NT5E: variants seen among roughly 807,000 people sequenced by gnomAD.
The protein encoded by NT5E is 5'-nucleotidase.
A neutral mutation model predicts 55.1 loss-of-function variants in NT5E; 53 were observed. The ratio of observed to expected loss-of-function variants is 0.96; its 90% CI spans 0.77 to 1.21. The LOEUF (loss-of-function observed/expected upper bound fraction) is 1.21. Ranked by LOEUF, NT5E falls within the 50% of genes most tolerant of loss-of-function variation. The pLI, the probability that NT5E is intolerant of heterozygous loss-of-function variation, is 0.00. For missense variants in NT5E, 683 were observed against 724.3 expected, an observed-to-expected ratio of 0.94 and a Z score of 0.65; for synonymous variants, 270 against 278.4, an observed-to-expected ratio of 0.97 and a Z score of 0.30.
chr6:85,460,772 T>G lies in NT5E; in HGVS notation c.340-6288T>G, dbSNP rs78463840. Among the ~76,000 whole-genome samples, 500 of 152,220 alleles carry G rather than the reference T, an allele frequency of 3.3e-3. 2 individuals are homozygous for G. Among genetic ancestry groups the G allele is most frequent in the African/African-American group, 0.011 (470 of 41,536 alleles). ...ATGAAAGAAATCATGAGAACACTCCTGGGGTGAGAGCAAGAGGAATGAAAA... is the reference window on the plus strand; with the variant it reads ...ATGAAAGAAATCATGAGAACACTCCGGGGGTGAGAGCAAGAGGAATGAAAA... On this transcript the variant is annotated intron_variant, in intron 1 of 8. Coordinates refer to ENST00000257770, the MANE Select transcript of NT5E (RefSeq NM_002526.4).
At chr6:85,452,157 G>A (rs1330239184) in intron 1 of NT5E, among the ~76,000 whole-genome samples, 1 of 152,220 alleles carries the variant, frequency 6.6e-6, no homozygotes, top group African/African-American at 2.4e-5. Context: ...GTAGAATTGA[G>A]TTGTTGCTAC....
In NT5E at chr6:85,495,564, A is replaced by G. The variant is rs1582391570; in HGVS notation, c.*1560A>G. ...TTCTATGCATATATGGATTAGCTATAAAAAATGTCAATAAGATTGTACAAG... is the reference window on the plus strand; with the variant it reads ...TTCTATGCATATATGGATTAGCTATGAAAAATGTCAATAAGATTGTACAAG... On this transcript the variant is annotated 3_prime_UTR_variant, in exon 9 of 9. Coordinates refer to ENST00000257770, the MANE Select transcript of NT5E (RefSeq NM_002526.4). 6.6e-6 allele frequency: 1 copy of G among 152,252 alleles called. No homozygotes were observed. Among genetic ancestry groups the G allele is most frequent in the East Asian group, 1.9e-4 (1 of 5,196 alleles). The allele number at this position is 152,252 out of a possible 1,614,324, so 9.4% of individuals were successfully genotyped here. A position where few individuals can be genotyped will look rare whatever the true frequency, so the allele number is the denominator to read the frequency against.
intron 3 of NT5E, among the ~76,000 whole-genome samples, chr6:85,482,230 C>G (rs1375023959): frequency 1.3e-5 from 2 of 152,148 alleles, no homozygotes; most frequent in East Asian, 3.9e-4. Flanking sequence ...GTGCGTGGCT[C>G]ATGCCTATAA....
intron 8 of NT5E, 93 bp downstream of exon 8, chr6:85,492,270 C>T: frequency 8.8e-7 from 1 of 1,137,022 alleles, no homozygotes. Flanking sequence ...AAAGTGACTC[C>T]CTGTATTGCT....
chr6:85,467,103 T>C lies in NT5E; in HGVS notation c.383T>C (p.Ile128Thr). The change falls in exon 2 of 9, where the codon ATC (isoleucine) becomes ACC (threonine). Residue 128 changes from isoleucine to threonine, a missense_variant. Transcript: ENST00000257770. ...HEFDNGVEGL[I>T]EPLLKEAKFP... ...TTTGATAATGGTGTGGAAGGACTGA[T>C]CGAGCCACTCCTCAAAGAGGCCAAA... 6.2e-7 allele frequency: 1 copy of C among 1,614,096 alleles called. No individual in the cohort carries two copies. Among genetic ancestry groups the C allele is most frequent in the South Asian group, 1.1e-5 (1 of 91,076 alleles).
At chr6:85,486,154 T>TACAAATG in intron 4 of NT5E, among the ~76,000 whole-genome samples, 1 of 152,178 alleles carries the variant, frequency 6.6e-6, no homozygotes, top group South Asian at 2.1e-4. Flanking sequence ...AGTAATTCTT[T>TACAAATG]AACATAACAT....
intron 1 of NT5E, among the ~76,000 whole-genome samples, chr6:85,463,157 A>T (rs987855191): frequency 6.6e-6 from 1 of 152,202 alleles, no homozygotes; most frequent in African/African-American, 2.4e-5. Flanking sequence ...CCAGATGCTC[A>T]CATTGTATTT....
intron 3 of NT5E, among the ~76,000 whole-genome samples, chr6:85,472,021 A>G (rs2127721403): frequency 1.3e-5 from 2 of 152,140 alleles, no homozygotes; most frequent in South Asian, 4.2e-4. Context: ...TTCTCTCTCA[A>G]ATTGGTGTTA....
rs937518019 is a variant in NT5E, at chr6:85,450,591, G to A, written c.339+113G>A. On this transcript the variant is annotated intron_variant, in intron 1 of 8. Transcript: ENST00000257770. This position sits in a 1 kb window ranked among gnomAD's most constrained non-coding sequence, Gnocchi z 4.0. Reference sequence around the variant, plus strand: ...GCCTAGGTCCAGGGCGCGGAGAGATGTGGGGATAAAGTGAGACTCCGGCCA... The same window carrying A: ...GCCTAGGTCCAGGGCGCGGAGAGATATGGGGATAAAGTGAGACTCCGGCCA... 6 of 1,002,732 alleles carry A rather than the reference G, an allele frequency of 6.0e-6. No homozygotes were observed. The African/African-American group carries it at 9.6e-5, about 16-fold the overall frequency. The allele number at this position is 1,002,732 out of a possible 1,614,324, so 62.1% of individuals were successfully genotyped here. A position where few individuals can be genotyped will look rare whatever the true frequency, so the allele number is the denominator to read the frequency against.
intron 1 of NT5E, among the ~76,000 whole-genome samples, chr6:85,462,327 G>C (rs1042516984): frequency 6.6e-6 from 1 of 152,058 alleles, no homozygotes; most frequent in African/African-American, 2.4e-5. Context: ...TGAAAGCCCT[G>C]ACTCCTTGGA....
At chr6:85,491,545 C>G (rs536677835) in intron 7 of NT5E, among the ~76,000 whole-genome samples, 3 of 152,366 alleles carry the variant, frequency 2.0e-5, no homozygotes, top group Non-Finnish European at 2.9e-5. Context: ...TCTAGCAAAG[C>G]ACTGCATAGC....
chr6:85,466,369 T>C (rs1418405180), intron 1 of NT5E, among the ~76,000 whole-genome samples: 2 of 152,148 alleles, frequency 1.3e-5, no homozygotes, highest in Non-Finnish European at 2.9e-5. Flanking sequence ...GGTCACCTAA[T>C]CATTTCACCA....
chr6:85,491,507 A>T (rs1769783471), intron 7 of NT5E, among the ~76,000 whole-genome samples: 1 of 152,196 alleles, frequency 6.6e-6, no homozygotes, highest in Non-Finnish European at 1.5e-5. Context: ...CCCAGAAGGG[A>T]GTTGAGGGAA....
intron 3 of NT5E, among the ~76,000 whole-genome samples, chr6:85,473,960 T>C (rs1769374821): frequency 6.6e-6 from 1 of 152,222 alleles, no homozygotes; most frequent in African/African-American, 2.4e-5. Flanking sequence ...TTTGTGTCCA[T>C]CAGTGAGTGT....
chr6:85,474,338 A>G (rs987268754), intron 3 of NT5E, among the ~76,000 whole-genome samples: 2 of 152,352 alleles, frequency 1.3e-5, no homozygotes, highest in Admixed American at 6.5e-5. Context: ...CTTTTTGTTC[A>G]TGGCTGGCTG....
At chr6:85,493,010 G>A (rs992847452) in intron 8 of NT5E, among the ~76,000 whole-genome samples, 9 of 152,130 alleles carry the variant, frequency 5.9e-5, no homozygotes, top group African/African-American at 1.4e-4. Context: ...AAGGGCAGGC[G>A]TAAAAGCCCC....
intron 5 of NT5E, among the ~76,000 whole-genome samples, chr6:85,487,732 A>C (rs1246057199): frequency 1.3e-5 from 2 of 152,186 alleles, no homozygotes; most frequent in East Asian, 3.8e-4. Flanking sequence ...GCCTGGGCAA[A>C]AGAGCGAGAC....
intron 3 of NT5E, among the ~76,000 whole-genome samples, chr6:85,482,784 G>A (rs900330070): frequency 1.3e-5 from 2 of 152,176 alleles, no homozygotes; most frequent in Non-Finnish European, 2.9e-5. Context: ...GAACATCTTC[G>A]GCTGAACGGC....
At chr6:85,457,738 A>C (rs1229004438) in intron 1 of NT5E, among the ~76,000 whole-genome samples, 1 of 152,104 alleles carries the variant, frequency 6.6e-6, no homozygotes, top group African/African-American at 2.4e-5. Context: ...TCAATCTGCA[A>C]ATCTTCATTC....
Sources: gnomAD v4.1 joint callset for allele counts (sites outside exome capture counted in the v4.1 genomes callset) on GRCh38, gnomAD v4.1.1 for gene constraint, Gnocchi (gnomAD v3.1) non-coding constraint, MANE v1.5 for transcripts, NCBI Gene and HGNC (gene_info 2026-07-23, HGNC 2026-07-21) for gene names.